The following TRIM2 variants were observed in gnomAD, a reference collection of about 807,000 sequenced individuals.
TRIM2 encodes the protein tripartite motif-containing protein 2.
A neutral mutation model predicts 75.2 loss-of-function variants in TRIM2; 20 were observed. The observed-to-expected ratio is 0.27, with a 90% CI of 0.19 to 0.39. The LOEUF (loss-of-function observed/expected upper bound fraction) is 0.39, where lower values mean the gene tolerates loss of function less well. Among genes scored for constraint, TRIM2 ranks in the 10% least tolerant of loss-of-function variants. The pLI, the probability that TRIM2 is intolerant of heterozygous loss-of-function variation, is 1.00. For synonymous variants in TRIM2, 373 were observed against 388.3 expected (o/e 0.96, Z 0.46); for missense variants, 660 against 990.8 (o/e 0.67, Z 4.48).
At chr4:153,221,984 AAGG>A (rs1560835758) in intron 1 of TRIM2, among the ~76,000 whole-genome samples, 201 of 53,808 alleles carry the variant, frequency 3.7e-3, no homozygotes, top group South Asian at 0.011. Context: ...GGAAGGAAGG[AAGG>A]GAGAGAGGAA....
At chr4:153,281,996 A>G (rs1166475331) in intron 3 of TRIM2, among the ~76,000 whole-genome samples, 1 of 152,252 alleles carries the variant, frequency 6.6e-6, no homozygotes, top group Non-Finnish European at 1.5e-5. Context: ...AGTGCCCTTA[A>G]GAAGCCAAGC....
chr4:153,152,532 A>G (rs962814577), upstream of TRIM2: 2 of 151,754 alleles, frequency 1.3e-5, no homozygotes, highest in African/African-American at 4.8e-5. Flanking sequence ...GCTTGACAAG[A>G]TTGAGTCGCT....
chr4:153,265,805 T>TA (rs775162289), intron 1 of TRIM2: 1 of 152,208 alleles, frequency 6.6e-6, no homozygotes, highest in Non-Finnish European at 1.5e-5. Flanking sequence ...GTGTTAAACT[T>TA]ACGTCATCAA....
chr4:153,324,023 A>G, intron 9 of TRIM2, 55 bp from the exon 10 acceptor site: 1 of 1,381,474 alleles, frequency 7.2e-7, no homozygotes, highest in Non-Finnish European at 1.0e-6. Context: ...AGTAACTGCT[A>G]TATGTAATCA....
chr4:153,195,382 A>T (rs1258248377), intron 1 of TRIM2, among the ~76,000 whole-genome samples: 1 of 152,084 alleles, frequency 6.6e-6, no homozygotes, highest in Non-Finnish European at 1.5e-5. Flanking sequence ...GTGTGGTGGC[A>T]TGTGCCTGTG....
Position 153,329,345 on chromosome 4 carries a change from A to G in TRIM2, c.2163+675A>G, listed in dbSNP as rs1770933590. On this transcript the variant is annotated intron_variant, in intron 11 of 11. Coordinates refer to ENST00000338700, the MANE Select transcript of TRIM2 (RefSeq NM_015271.5). ...AGGGAGTCTCAAGGAAAATTGTAAA[A>G]TATATTGGACTGAATGAAAATGCAA... Among the ~76,000 whole-genome samples the G allele has an allele frequency of 2.0e-5, 3 of 152,112 alleles. No homozygotes were observed. In the South Asian group the frequency reaches 6.2e-4, roughly 32 times the overall value.
intron 1 of TRIM2, among the ~76,000 whole-genome samples, chr4:153,177,218 T>G (rs1162460423): frequency 1.3e-5 from 2 of 152,232 alleles, no homozygotes; most frequent in East Asian, 3.8e-4. Context: ...CTGGCTCTTG[T>G]CATAAGACGA....
At chr4:153,193,097 C>T (rs1733376229) in intron 1 of TRIM2, among the ~76,000 whole-genome samples, 1 of 151,372 alleles carries the variant, frequency 6.6e-6, no homozygotes, top group Non-Finnish European at 1.5e-5. Flanking sequence ...AGCATGCCTG[C>T]CTACCACAGA....
intron 1 of TRIM2, among the ~76,000 whole-genome samples, chr4:153,183,670 G>A (rs1732299996): frequency 1.3e-5 from 2 of 152,218 alleles, no homozygotes; most frequent in Non-Finnish European, 2.9e-5. Flanking sequence ...CTGGGTTCAA[G>A]ACATCAGATC....
At chr4:153,155,161 A>G (rs1033825394) in intron 1 of TRIM2, among the ~76,000 whole-genome samples, 2 of 152,170 alleles carry the variant, frequency 1.3e-5, no homozygotes, top group Non-Finnish European at 2.9e-5. Context: ...AAGAAAGAAA[A>G]AATGTGTCCC....
At chr4:153,318,395 G>A (rs72729638) in intron 8 of TRIM2, among the ~76,000 whole-genome samples, 1 of 152,248 alleles carries the variant, frequency 6.6e-6, no homozygotes, top group Non-Finnish European at 1.5e-5. Flanking sequence ...CTGAAAAACT[G>A]TCATTTTTTA....
At chr4:153,181,259 G>A (rs1048043793) in intron 1 of TRIM2, among the ~76,000 whole-genome samples, 1 of 152,212 alleles carries the variant, frequency 6.6e-6, no homozygotes, top group Non-Finnish European at 1.5e-5. Context: ...GAACAGGTGG[G>A]ATTCAGTGCA....
intron 3 of TRIM2, among the ~76,000 whole-genome samples, chr4:153,276,571 A>G (rs1758076894): frequency 6.6e-6 from 1 of 152,250 alleles, no homozygotes; most frequent in Non-Finnish European, 1.5e-5. Flanking sequence ...ATTTGAAGCT[A>G]TGTGAATCCC....
chr4:153,179,271 A>T (rs1188975308), intron 1 of TRIM2, among the ~76,000 whole-genome samples: 1 of 149,812 alleles, frequency 6.7e-6, no homozygotes, highest in East Asian at 1.9e-4. Flanking sequence ...TTAATAATAA[A>T]ATTAATTTAT....
rs532171243 is a variant in TRIM2, at chr4:153,186,571, GAC to G, written c.-49+33303_-49+33304del. 1.0e-3 allele frequency among the ~76,000 whole-genome samples: 159 copies of G among 152,278 alleles called. 1 individual carries two copies. Among genetic ancestry groups the G allele is most frequent in the African/African-American group, 3.6e-3 (151 of 41,544 alleles). On this transcript the variant is annotated intron_variant, in intron 1 of 11. Transcript: ENST00000437508. The stretch of plus-strand genomic sequence containing the variant: ...AAGGAATTTTTGTTGGCGCTCAAGG[GAC>G]AGCCCAGAGCAGAATCTTCTCCTCG...
intron 3 of TRIM2, among the ~76,000 whole-genome samples, chr4:153,288,209 G>A (rs529649536): frequency 6.6e-6 from 1 of 152,130 alleles, no homozygotes; most frequent in Admixed American, 6.5e-5. Flanking sequence ...GGCTGAGGCA[G>A]GCGGATCACC....
At chr4:153,257,488 C>T in intron 1 of TRIM2, 1 of 1,273,544 alleles carries the variant, frequency 7.9e-7, no homozygotes, top group South Asian at 1.3e-5. Flanking sequence ...ACATTCCTGC[C>T]GACTTCCAGC....
At chr4:153,200,722 A>T (rs1271102143), upstream of TRIM2, among the ~76,000 whole-genome samples, 54 of 123,168 alleles carry the variant, frequency 4.4e-4, no homozygotes, top group Admixed American at 7.0e-4. Flanking sequence ...GTAAGAAAAA[A>T]AAATATATAT....
intron 6 of TRIM2, among the ~76,000 whole-genome samples, chr4:153,302,389 A>G (rs1296355882): frequency 6.6e-6 from 1 of 152,216 alleles, no homozygotes; most frequent in East Asian, 1.9e-4. Flanking sequence ...GATGAAGGAA[A>G]TGACATCTCT....
Sources: allele counts gnomAD v4.1 joint callset (sites outside exome capture counted in the v4.1 genomes callset), GRCh38; gene constraint gnomAD v4.1.1; transcripts MANE v1.5; gene names NCBI Gene and HGNC (gene_info 2026-07-23, HGNC 2026-07-21).